The following PCDH9 variants were observed in gnomAD, a reference collection of about 807,000 sequenced individuals.
The protein encoded by PCDH9 is protocadherin-9.
Under a neutral mutation model 70.6 loss-of-function variants are expected in PCDH9, and 24 were observed. That is an observed-to-expected ratio of 0.34 (90% CI 0.25 to 0.48). The LOEUF (loss-of-function observed/expected upper bound fraction) is 0.48, where lower values mean the gene tolerates loss of function less well. Ranked by LOEUF, PCDH9 falls within the 20% of genes least tolerant of loss-of-function variation. The probability of loss-of-function intolerance (pLI) is 0.99; values close to 1 mark genes in which losing one functional copy is unlikely to be tolerated. For missense variants in PCDH9, 1,281 were observed against 1,503.6 expected, an observed-to-expected ratio of 0.85 and a Z score of 2.45; for synonymous variants, 562 against 558.5, an observed-to-expected ratio of 1.01 and a Z score of -0.09.
chr13:66,565,716 A>G (rs1160300423), intron 4 of PCDH9, among the ~76,000 whole-genome samples: 2 of 152,308 alleles, frequency 1.3e-5, no homozygotes, highest in Admixed American at 6.5e-5. Flanking sequence ...CCTTATGGCC[A>G]GACTCAGGTT....
chr13:66,849,979 C>A (rs944779265), intron 3 of PCDH9, among the ~76,000 whole-genome samples: 25 of 152,086 alleles, frequency 1.6e-4, no homozygotes, highest in Non-Finnish European at 3.7e-4. Context: ...CAGTCCCTAG[C>A]GGCCACTTAA....
At chr13:67,140,167 T>C (rs1032929528) in intron 2 of PCDH9, among the ~76,000 whole-genome samples, 4 of 152,090 alleles carry the variant, frequency 2.6e-5, no homozygotes, top group Non-Finnish European at 5.9e-5. Flanking sequence ...TCAATTATTG[T>C]CTGAAATACT....
chr13:66,710,672 G>A (rs1343850154), intron 3 of PCDH9, among the ~76,000 whole-genome samples: 2 of 152,120 alleles, frequency 1.3e-5, no homozygotes, highest in African/African-American at 4.8e-5. Context: ...GTCAGAAGTT[G>A]GACACAGGTC....
intron 2 of PCDH9, among the ~76,000 whole-genome samples, chr13:67,011,838 T>C (rs1305782458): frequency 6.6e-6 from 1 of 151,948 alleles, no homozygotes; most frequent in Non-Finnish European, 1.5e-5. Context: ...CTTGAAAATA[T>C]GACTAGGTCG....
At chr13:66,713,845 G>A (rs1383625508) in intron 3 of PCDH9, among the ~76,000 whole-genome samples, 1 of 151,768 alleles carries the variant, frequency 6.6e-6, no homozygotes, top group East Asian at 1.9e-4. Context: ...ATCTACATGA[G>A]GCAAGCAGCC....
chr13:67,146,403 T>G (rs1214114175), intron 2 of PCDH9, among the ~76,000 whole-genome samples: 1 of 152,144 alleles, frequency 6.6e-6, no homozygotes, highest in East Asian at 1.9e-4. Flanking sequence ...ATATATCATT[T>G]CCTCCAAGTG....
chr13:67,169,509 A>G (rs1350439237), intron 2 of PCDH9, among the ~76,000 whole-genome samples: 2 of 152,222 alleles, frequency 1.3e-5, no homozygotes, highest in East Asian at 3.8e-4. Flanking sequence ...GTTAGCTAGA[A>G]TCTTACAGCA....
chr13:66,326,413 A>C (rs1376474924), intron 4 of PCDH9, among the ~76,000 whole-genome samples: 12 of 150,056 alleles, frequency 8.0e-5, no homozygotes, highest in Admixed American at 4.6e-4. Flanking sequence ...AAAAAAAAAA[A>C]CAACGAAAAC....
intron 3 of PCDH9, among the ~76,000 whole-genome samples, chr13:66,747,306 G>C (rs139798004): frequency 2.0e-5 from 3 of 152,088 alleles, no homozygotes; most frequent in Admixed American, 6.5e-5. Context: ...AGCCAAGATC[G>C]CACCATTGCA....
chr13:67,129,566 T>A (rs2087059153), intron 2 of PCDH9, among the ~76,000 whole-genome samples: 1 of 152,090 alleles, frequency 6.6e-6, no homozygotes, highest in Non-Finnish European at 1.5e-5. Flanking sequence ...TCATGAACCC[T>A]AGCAAGGTTC....
intron 2 of PCDH9, among the ~76,000 whole-genome samples, chr13:67,025,364 A>C (rs1312439503): frequency 6.6e-6 from 1 of 152,166 alleles, no homozygotes; most frequent in Non-Finnish European, 1.5e-5. Context: ...AAGAAAAATG[A>C]ATATGAATGT....
At chr13:66,772,609 C>A (rs2079826037) in intron 3 of PCDH9, among the ~76,000 whole-genome samples, 1 of 151,904 alleles carries the variant, frequency 6.6e-6, no homozygotes, top group African/African-American at 2.4e-5. Context: ...ACATAAATAA[C>A]CCATAACATG....
chr13:67,125,631 G>C (rs1429816548), intron 2 of PCDH9, among the ~76,000 whole-genome samples: 2 of 152,118 alleles, frequency 1.3e-5, no homozygotes, highest in East Asian at 3.9e-4. Flanking sequence ...TCCAGTCTAA[G>C]CTGCAACTGA....
chr13:66,557,613 C>T (rs1288694141), intron 4 of PCDH9, among the ~76,000 whole-genome samples: 1 of 152,098 alleles, frequency 6.6e-6, no homozygotes, highest in Non-Finnish European at 1.5e-5. Context: ...CTGGTTACAA[C>T]AGAACTTTCC....
chr13:66,723,164 A>G (rs926015254), intron 3 of PCDH9, among the ~76,000 whole-genome samples: 1 of 151,918 alleles, frequency 6.6e-6, no homozygotes, highest in African/African-American at 2.4e-5. Flanking sequence ...TTTCTAATTA[A>G]TATTCTAGGG....
intron 2 of PCDH9, among the ~76,000 whole-genome samples, chr13:67,104,915 A>G (rs953109206): frequency 6.6e-6 from 1 of 152,196 alleles, no homozygotes; most frequent in African/African-American, 2.4e-5. Context: ...TCACTTTTAA[A>G]TCAGTTCCAC....
chr13:67,160,204 TTTTC>T (rs1400610954), intron 2 of PCDH9, among the ~76,000 whole-genome samples: 5 of 152,306 alleles, frequency 3.3e-5, no homozygotes, highest in African/African-American at 1.2e-4. Flanking sequence ...GTTTTATAAG[TTTTC>T]TTTCCTGCAA....
intron 2 of PCDH9, chr13:67,215,493 T>G (rs960206088): frequency 4.6e-5 from 7 of 152,108 alleles, no homozygotes; most frequent in African/African-American, 1.4e-4. Context: ...ATGATCTAAG[T>G]ACTGAAAGGT....
intron 4 of PCDH9, among the ~76,000 whole-genome samples, chr13:66,375,055 C>G (rs1423662618): frequency 6.6e-6 from 1 of 152,132 alleles, no homozygotes; most frequent in Non-Finnish European, 1.5e-5. Context: ...AGAGTACTGT[C>G]TAATACATGA....
Sources: allele counts gnomAD v4.1 joint callset (sites outside exome capture counted in the v4.1 genomes callset), GRCh38; gene constraint gnomAD v4.1.1; transcripts MANE v1.5; gene names NCBI Gene and HGNC (gene_info 2026-07-23, HGNC 2026-07-21).